Variants in GBF1 observed in about 807,000 individuals in gnomAD.
GBF1 encodes the protein Golgi-specific brefeldin A-resistance guanine nucleotide exchange factor 1.
Under a neutral mutation model 210.5 loss-of-function variants are expected in GBF1, and 114 were observed. The ratio of observed to expected loss-of-function variants is 0.54; its 90% CI spans 0.47 to 0.63. The LOEUF (loss-of-function observed/expected upper bound fraction) is 0.63, where lower values mean the gene tolerates loss of function less well. Among genes scored for constraint, GBF1 ranks in the 30% least tolerant of loss-of-function variants. The pLI, the probability that GBF1 is intolerant of heterozygous loss-of-function variation, is 0.00. For missense variants in GBF1, 1,851 were observed against 2,357.7 expected (o/e 0.79, Z 4.45); for synonymous variants, 850 against 889.2 (o/e 0.96, Z 0.78).
chr10:102,344,712 C>T (rs1032318574), intron 4 of GBF1, among the ~76,000 whole-genome samples: 1 of 152,040 alleles, frequency 6.6e-6, no homozygotes, highest in Non-Finnish European at 1.5e-5. Context: ...GATCTCCTGA[C>T]CTCATGATCT....
Position 102,369,975 on chromosome 10 carries a change from G to A in GBF1, c.3330G>A (p.Glu1110=). The A allele has an allele frequency of 1.9e-6, 3 of 1,614,182 alleles. No individual in the cohort carries two copies. Among genetic ancestry groups the A allele is most frequent in the Non-Finnish European group, 2.5e-6 (3 of 1,180,014 alleles). The change falls in exon 26 of 40, where the codon GAG becomes GAA. Residue 1110 remains glutamate, a synonymous_variant. Coordinates refer to ENST00000369983, the MANE Select transcript of GBF1 (RefSeq NM_001377137.1). The stretch of plus-strand genomic sequence containing the variant: ...AAGAGGCCAAGAGAGTGGCCTTAGA[G>A]TGTATAAAGGTAACTGCCCATCCAC... The part of the protein sequence containing the change: ...ENQEAKRVAL[E]CIKQCDPEKM...
intron 3 of GBF1, among the ~76,000 whole-genome samples, chr10:102,285,318 G>A (rs953985485): frequency 6.6e-6 from 1 of 152,194 alleles, no homozygotes; most frequent in Non-Finnish European, 1.5e-5. Context: ...AGCTCAGTTT[G>A]CTTACACATT....
intron 4 of GBF1, among the ~76,000 whole-genome samples, chr10:102,350,218 G>A (rs966759919): frequency 1.3e-5 from 2 of 151,868 alleles, no homozygotes; most frequent in Non-Finnish European, 2.9e-5. Flanking sequence ...GCGTGGCGGC[G>A]CATGCCTGTA....
chr10:102,258,774 C>CAA (rs74634439), intron 1 of GBF1, among the ~76,000 whole-genome samples, 155 bp from the exon 2 acceptor site: 916 of 79,616 alleles, frequency 0.012, 10 homozygotes, highest in African/African-American at 0.04. Flanking sequence ...AACTCTGCCT[C>CAA]AAAAAAAAAA....
intron 1 of GBF1, among the ~76,000 whole-genome samples, chr10:102,251,643 T>G (rs539819902): frequency 6.6e-6 from 1 of 152,268 alleles, no homozygotes; most frequent in African/African-American, 2.4e-5. Context: ...AACCTGGAAC[T>G]CCTGGGCTCA....
At chr10:102,271,038 T>C (rs529883933) in intron 3 of GBF1, among the ~76,000 whole-genome samples, 1 of 150,614 alleles carries the variant, frequency 6.6e-6, no homozygotes, top group African/African-American at 2.4e-5. Flanking sequence ...TATTTTATTA[T>C]TATTATTATT....
In GBF1 at chr10:102,259,003, G is replaced by A. The variant is rs752314787; in HGVS notation, c.65G>A (p.Arg22Gln). 7 of 1,600,022 alleles carry A rather than the reference G, an allele frequency of 4.4e-6. No individual in the cohort carries two copies. Among genetic ancestry groups the A allele is most frequent in the Admixed American group, 1.7e-5 (1 of 59,982 alleles). The change falls in exon 2 of 40, where the codon CGA (arginine) becomes CAA (glutamine). Residue 22 changes from arginine (R) to glutamine (Q), a missense_variant. This residue lies in a region of GBF1 where 804 missense variants were observed against 958.6 expected (regional missense o/e 0.84). Coordinates refer to ENST00000369983, the MANE Select transcript of GBF1 (RefSeq NM_001377137.1). ...EINIVVGAIKRNARWSTHTPL... is the reference protein window; with the variant it reads ...EINIVVGAIKQNARWSTHTPL... The stretch of plus-strand genomic sequence containing the variant: ...AACATTGTGGTTGGGGCCATCAAAC[G>A]AAATGCCCGATGGAGCACCCATACA...
At chr10:102,249,937 A>C (rs2133889599) in intron 1 of GBF1, among the ~76,000 whole-genome samples, 1 of 152,150 alleles carries the variant, frequency 6.6e-6, no homozygotes, top group East Asian at 1.9e-4. Context: ...TGATCCGCCC[A>C]CCTCGGCCTC....
chr10:102,287,870 C>A (rs1378205863), intron 3 of GBF1, among the ~76,000 whole-genome samples: 1 of 152,148 alleles, frequency 6.6e-6, no homozygotes, highest in Non-Finnish European at 1.5e-5. Context: ...CACTGGGAGT[C>A]ATCTTGGAGG....
chr10:102,287,344 C>CTTTTTTTTTTTTTT (rs763880492), intron 3 of GBF1, among the ~76,000 whole-genome samples: 206 of 69,530 alleles, frequency 3.0e-3, no homozygotes, highest in African/African-American at 5.3e-3. Context: ...ATTTTATTTT[C>CTTTTTTTTTTTTTT]TTTTTTTTTT....
At chr10:102,293,785 T>G (rs1231385473) in intron 3 of GBF1, among the ~76,000 whole-genome samples, 1 of 109,324 alleles carries the variant, frequency 9.1e-6, no homozygotes, top group African/African-American at 3.0e-5. Context: ...TTTTTTTTTT[T>G]TTTTTTTTTT....
intron 1 of GBF1, among the ~76,000 whole-genome samples, chr10:102,246,365 T>C (rs2070830585): frequency 6.6e-6 from 1 of 152,210 alleles, no homozygotes; most frequent in Non-Finnish European, 1.5e-5. Flanking sequence ...ACAGGACAGC[T>C]CAGCTGCCAG....
intron 3 of GBF1, among the ~76,000 whole-genome samples, chr10:102,297,931 G>T (rs2479548): frequency 0.34 from 51,816 of 151,850 alleles, 9,222 homozygotes; most frequent in South Asian, 0.48. Context: ...TTTTGTTTTT[G>T]GTTTTTGGTT....
intron 3 of GBF1, among the ~76,000 whole-genome samples, chr10:102,342,141 A>G (rs1388866245): frequency 6.7e-6 from 1 of 149,628 alleles, no homozygotes; most frequent in East Asian, 2.0e-4. Flanking sequence ...GGTTCACACC[A>G]TTCTCCTGCC....
chr10:102,329,868 G>A (rs1243378555), intron 3 of GBF1, among the ~76,000 whole-genome samples: 2 of 152,128 alleles, frequency 1.3e-5, no homozygotes, highest in Non-Finnish European at 2.9e-5. Context: ...CAGCACTTTG[G>A]GAGGCTGAGG....
intron 10 of GBF1, 66 bp downstream of exon 10, chr10:102,358,795 A>C (rs1455494345): frequency 2.9e-6 from 3 of 1,048,488 alleles, no homozygotes; most frequent in Admixed American, 2.1e-5. Flanking sequence ...GATCCTTTGG[A>C]TCCTTTATGC....
chr10:102,287,063 A>G (rs577716712), intron 3 of GBF1, among the ~76,000 whole-genome samples: 2 of 152,242 alleles, frequency 1.3e-5, no homozygotes, highest in South Asian at 4.1e-4. Context: ...CTTTAGGCAT[A>G]TTTAGCTTTT....
intron 3 of GBF1, among the ~76,000 whole-genome samples, chr10:102,317,721 A>G (rs188063779): frequency 2.0e-5 from 3 of 152,254 alleles, no homozygotes; most frequent in South Asian, 2.1e-4. Context: ...CGCAAACACA[A>G]TATCACCCTT....
the GBF1 span, chr10:102,232,220 G>A: frequency 1.4e-5 from 9 of 655,606 alleles, no homozygotes; most frequent in South Asian, 8.3e-5. Flanking sequence ...CTGGGGCTGC[G>A]TGGGGCTCCT....
Sources: gnomAD v4.1 joint callset for allele counts (sites outside exome capture counted in the v4.1 genomes callset) on GRCh38, gnomAD v4.1.1 for gene constraint, gnomAD v4.1.1 regional missense constraint, MANE v1.5 for transcripts, NCBI Gene and HGNC (gene_info 2026-07-23, HGNC 2026-07-21) for gene names.